Variants in CALD1 observed in about 807,000 individuals in gnomAD.
CALD1 encodes caldesmon.
In CALD1, 33 loss-of-function variants were observed where a neutral mutation model predicts 99.9. The observed-to-expected ratio is 0.33, with a 90% CI of 0.25 to 0.44. The LOEUF is 0.44. CALD1 is among the 20% of genes least tolerant of loss of function. The pLI, the probability that CALD1 is intolerant of heterozygous loss-of-function variation, is 1.00. For synonymous variants in CALD1, 310 were observed against 325.0 expected, an observed-to-expected ratio of 0.95 and a Z score of 0.50; for missense variants, 861 against 962.1, an observed-to-expected ratio of 0.89 and a Z score of 1.39.
At chr7:134,722,460 G>C in the CALD1 span, among the ~76,000 whole-genome samples, 3 of 151,288 alleles carry the variant, frequency 2.0e-5, no homozygotes, top group Non-Finnish European at 4.4e-5. Flanking sequence ...TTCCTCTGTC[G>C]CCCAGGCTGG....
chr7:134,818,233 A>C (rs1798632975), intron 1 of CALD1, among the ~76,000 whole-genome samples: 1 of 152,236 alleles, frequency 6.6e-6, no homozygotes, highest in Non-Finnish European at 1.5e-5. Context: ...TTGAGGGATA[A>C]GATAGCAAAC....
intron 1 of CALD1, among the ~76,000 whole-genome samples, chr7:134,788,390 G>A (rs1473259982): frequency 6.6e-6 from 1 of 152,156 alleles, no homozygotes; most frequent in East Asian, 1.9e-4. Flanking sequence ...ATCAGCCCAT[G>A]CTACAAAGCA....
At chr7:134,853,613 A>G (rs1262915370) in intron 2 of CALD1, among the ~76,000 whole-genome samples, 1 of 152,194 alleles carries the variant, frequency 6.6e-6, no homozygotes, top group African/African-American at 2.4e-5. Context: ...GACTACAAGC[A>G]ACTTGAAGGC....
chr7:134,896,541 T>C (rs1435192916), intron 3 of CALD1, among the ~76,000 whole-genome samples: 1 of 152,222 alleles, frequency 6.6e-6, no homozygotes, highest in African/African-American at 2.4e-5. Context: ...CAGTGGTGAT[T>C]ATGGAGGTGG....
intron 1 of CALD1, among the ~76,000 whole-genome samples, chr7:134,755,283 G>A (rs1796717818): frequency 1.3e-5 from 2 of 152,186 alleles, no homozygotes; most frequent in South Asian, 2.1e-4. Context: ...TTACGGGCGT[G>A]AGCCACCATG....
intron 2 of CALD1, among the ~76,000 whole-genome samples, chr7:134,852,056 G>C (rs959525064): frequency 6.6e-6 from 1 of 152,174 alleles, no homozygotes; most frequent in East Asian, 1.9e-4. Flanking sequence ...TGTAGGCCTT[G>C]ACACTGAGCA....
At chr7:134,733,916 C>A in the CALD1 span, among the ~76,000 whole-genome samples, 1 of 150,580 alleles carries the variant, frequency 6.6e-6, no homozygotes. Context: ...TAATATATAA[C>A]CTTCAGTTTG....
At chr7:134,819,363 C>T (rs1311567776) in intron 1 of CALD1, among the ~76,000 whole-genome samples, 1 of 152,146 alleles carries the variant, frequency 6.6e-6, no homozygotes, top group Non-Finnish European at 1.5e-5. Context: ...TCCTGATACC[C>T]TCTCCAGAGC....
intron 3 of CALD1, among the ~76,000 whole-genome samples, chr7:134,873,638 C>A (rs1012111239): frequency 1.1e-4 from 17 of 152,238 alleles, no homozygotes; most frequent in African/African-American, 4.1e-4. Context: ...ATAATGATGG[C>A]AGGCAGTACA....
At chr7:134,836,107 T>G (rs1421647506) in intron 1 of CALD1, among the ~76,000 whole-genome samples, 1 of 141,386 alleles carries the variant, frequency 7.1e-6, no homozygotes, top group Admixed American at 7.7e-5. Flanking sequence ...ATCGCGTCAC[T>G]GCACTCCGGC....
At chr7:134,906,318 T>C (rs1367719581) in intron 3 of CALD1, among the ~76,000 whole-genome samples, 1 of 152,170 alleles carries the variant, frequency 6.6e-6, no homozygotes, top group African/African-American at 2.4e-5. Context: ...TTTGCTGTCG[T>C]GTAAAGAGCC....
At position 134,928,756 on chromosome 7, in the gene CALD1, T is replaced by A. The variant is rs1303483080; in HGVS notation, c.74T>A (p.Ile25Asn). 1 of 1,613,328 alleles carries A rather than the reference T, an allele frequency of 6.2e-7. No homozygotes were observed. The highest frequency in any genetic ancestry group is 1.7e-5 in the Admixed American group (1 of 59,904). Reference protein sequence around the residue: ...REEMRLEAERIAYQRNDDDEE... With the variant: ...REEMRLEAERNAYQRNDDDEE... Reference sequence around the variant, plus strand: ...AGGTTGTCTTTGTAATGTTGCAGAATCGCCTACCAGAGGAATGACGATGAT... The same window carrying A: ...AGGTTGTCTTTGTAATGTTGCAGAAACGCCTACCAGAGGAATGACGATGAT... The change falls in exon 4 of 15, where the codon ATC becomes AAC. Residue 25 changes from isoleucine (I) to asparagine (N), a missense_variant and splice_region_variant. Physicochemically the swap from Ile to Asn is moderately radical, Grantham distance 149. Coordinates refer to ENST00000361675, the MANE Select transcript of CALD1 (RefSeq NM_033138.4).
intron 1 of CALD1, among the ~76,000 whole-genome samples, chr7:134,841,471 A>G (rs1052774644): frequency 4.6e-5 from 7 of 152,056 alleles, no homozygotes; most frequent in Admixed American, 2.0e-4. Flanking sequence ...TTCCTTTCCC[A>G]TTTTAAGGAT....
At chr7:134,758,131 G>A (rs192238080) in intron 1 of CALD1, among the ~76,000 whole-genome samples, 7 of 152,272 alleles carry the variant, frequency 4.6e-5, no homozygotes, top group African/African-American at 1.7e-4. Flanking sequence ...GAGTGTGCGG[G>A]TGATGCTAGC....
the CALD1 span, among the ~76,000 whole-genome samples, chr7:134,738,146 T>C: frequency 6.6e-6 from 1 of 152,160 alleles, no homozygotes; most frequent in Admixed American, 6.5e-5. Flanking sequence ...TCAGGCTCAA[T>C]GCTTTATCTC....
At chr7:134,909,340 C>T (rs1803624966) in intron 3 of CALD1, among the ~76,000 whole-genome samples, 1 of 152,220 alleles carries the variant, frequency 6.6e-6, no homozygotes, top group South Asian at 2.1e-4. Flanking sequence ...TTACTCTCAG[C>T]TTCCTTACTG....
the CALD1 span, among the ~76,000 whole-genome samples, chr7:134,738,784 A>T: frequency 2.6e-5 from 4 of 152,182 alleles, no homozygotes; most frequent in East Asian, 5.8e-4. Flanking sequence ...TTTGATCAGC[A>T]TACCTACTGC....
intron 9 of CALD1, among the ~76,000 whole-genome samples, chr7:134,955,174 G>C (rs1807668358): frequency 6.6e-6 from 1 of 152,194 alleles, no homozygotes; most frequent in South Asian, 2.1e-4. Context: ...GGCGAATCAT[G>C]AGGTCAAGAG....
At chr7:134,952,295 T>C (rs1267371010) in intron 9 of CALD1, among the ~76,000 whole-genome samples, 1 of 151,706 alleles carries the variant, frequency 6.6e-6, no homozygotes, top group Non-Finnish European at 1.5e-5. Context: ...AATGAGACCC[T>C]ATCCCAAAAA....
Sources: allele counts gnomAD v4.1 joint callset (sites outside exome capture counted in the v4.1 genomes callset), GRCh38; gene constraint gnomAD v4.1.1; transcripts MANE v1.5; gene names NCBI Gene and HGNC (gene_info 2026-07-23, HGNC 2026-07-21).